The following DCAF8L2 variants were observed in gnomAD, a reference collection of about 807,000 sequenced individuals.
DCAF8L2 encodes DDB1- and CUL4-associated factor 8-like protein 2.
For missense variants in DCAF8L2, 430 were observed against 490.7 expected (o/e 0.88, Z 1.17); for synonymous variants, 200 against 190.9 (o/e 1.05, Z -0.39).
chrX:27,711,609 A>G (rs1425208497), intron 3 of DCAF8L2, among the ~76,000 whole-genome samples: 1 of 110,587 alleles, frequency 9.0e-6, no homozygotes, highest in African/African-American at 3.3e-5. Context: ...ATACACAATA[A>G]AATTGATTTC....
chrX:27,478,838 A>G, the DCAF8L2 span, among the ~76,000 whole-genome samples: 1 of 111,837 alleles, frequency 8.9e-6, no homozygotes, highest in Non-Finnish European at 1.9e-5. Context: ...CAACTTTTAC[A>G]TTTTTTTCAA....
intron 4 of DCAF8L2, among the ~76,000 whole-genome samples, chrX:27,720,435 G>A (rs986756913): frequency 2.4e-4 from 26 of 110,561 alleles, no homozygotes; most frequent in Admixed American, 1.9e-4. Context: ...CTGCAGTGGC[G>A]CAATCTCGGC....
chrX:27,648,076 T>A (rs1470913471), intron 2 of DCAF8L2, among the ~76,000 whole-genome samples: 1 of 110,542 alleles, frequency 9.0e-6, no homozygotes, highest in Non-Finnish European at 1.9e-5. Flanking sequence ...ATATCAAGAT[T>A]CCCTGAATTA....
the DCAF8L2 span, among the ~76,000 whole-genome samples, chrX:27,561,754 T>C: frequency 8.9e-6 from 1 of 112,062 alleles, no homozygotes; most frequent in East Asian, 2.8e-4. Flanking sequence ...CAGTACTTCA[T>C]ATATTTTTAT....
rs745604738 is a variant in DCAF8L2, at chrX:27,681,698, G to C, written c.-143+3786G>C. 6.3e-5 allele frequency among the ~76,000 whole-genome samples: 7 copies of C among 111,383 alleles called. No individual in the cohort carries two copies. In the East Asian group the frequency reaches 2.0e-3, roughly 32 times the overall value. ...AATATATCGATTCTATGAACAATTT[G>C]CTATTAAAATAACTTTCAGAAATAG... On this transcript the variant is annotated intron_variant, in intron 3 of 4. Coordinates refer to ENST00000451261, the MANE Select transcript of DCAF8L2 (RefSeq NM_001353450.2).
At chrX:27,723,717 A>G (rs1268673824) in intron 4 of DCAF8L2, among the ~76,000 whole-genome samples, 3 of 111,259 alleles carry the variant, frequency 2.7e-5, no homozygotes, top group East Asian at 2.8e-4. Flanking sequence ...TCTTCCAGGT[A>G]TTTGTCCTGC....
rs186997457 is a variant in DCAF8L2 at position 27,624,147 on chromosome X, T to C, written c.-341-7732T>C. ...TTCTGACTCTAAGACCAATTATTAT[T>C]GTGCCTACCTGCAACTTTTAGATAC... On this transcript the variant is annotated intron_variant, in intron 1 of 4. Coordinates refer to ENST00000451261, the MANE Select transcript of DCAF8L2 (RefSeq NM_001353450.2). Among the ~76,000 whole-genome samples, 517 of 111,958 alleles carry C rather than the reference T, an allele frequency of 4.6e-3. 2 individuals carry two copies. The highest frequency in any genetic ancestry group is 0.014 in the Middle Eastern group (3 of 218).
In DCAF8L2 at chrX:27,704,215, C is replaced by T. The variant is rs1277207996; in HGVS notation, c.-142-11873C>T. On this transcript the variant is annotated intron_variant, in intron 3 of 4. Transcript: ENST00000451261. The stretch of plus-strand genomic sequence containing the variant: ...ATATGTATATACACATGTACACACG[C>T]GCGCACATGTGCGTGTACACACGTG... 7.3e-4 allele frequency among the ~76,000 whole-genome samples: 66 copies of T among 90,769 alleles called. 1 individual carries two copies. Among genetic ancestry groups the T allele is most frequent in the Admixed American group, 6.1e-3 (53 of 8,752 alleles). 78.8% of individuals were successfully genotyped at this position (90,769 alleles called of 115,157 possible). A position where few individuals can be genotyped will look rare whatever the true frequency, so the allele number is the denominator to read the frequency against.
the DCAF8L2 span, among the ~76,000 whole-genome samples, chrX:27,542,807 C>T: frequency 5.4e-5 from 6 of 110,565 alleles, no homozygotes; most frequent in Non-Finnish European, 1.1e-4. Flanking sequence ...CTCCCAAAGT[C>T]TTTGCCTACT....
the DCAF8L2 span, among the ~76,000 whole-genome samples, chrX:27,499,839 G>GT: frequency 3.7e-5 from 4 of 108,542 alleles, no homozygotes; most frequent in African/African-American, 6.9e-5. Context: ...TTGGTGGTGG[G>GT]GGGGGGTACA....
chrX:27,525,931 C>T, the DCAF8L2 span, among the ~76,000 whole-genome samples: 1,147 of 111,742 alleles, frequency 0.01, 5 homozygotes, highest in Non-Finnish European at 0.017. Context: ...GTGGGTAACC[C>T]GACCTTTCTC....
At chrX:27,498,865 T>C in the DCAF8L2 span, among the ~76,000 whole-genome samples, 6 of 112,203 alleles carry the variant, frequency 5.3e-5, no homozygotes, top group African/African-American at 1.9e-4. Flanking sequence ...ATCTGTGTTG[T>C]CACAACTAGC....
At chrX:27,686,157 A>T (rs987309379) in intron 3 of DCAF8L2, among the ~76,000 whole-genome samples, 1 of 111,389 alleles carries the variant, frequency 9.0e-6, no homozygotes, top group Admixed American at 9.6e-5. Flanking sequence ...TAGTAAAGCC[A>T]TCATGAAAAA....
chrX:27,611,595 C>T (rs1927176342), intron 1 of DCAF8L2, among the ~76,000 whole-genome samples: 2 of 108,667 alleles, frequency 1.8e-5, no homozygotes, highest in African/African-American at 6.7e-5. Flanking sequence ...CTTCCCCCGT[C>T]CCCCCACCCC....
At chrX:27,545,838 G>A in the DCAF8L2 span, among the ~76,000 whole-genome samples, 21 of 111,801 alleles carry the variant, frequency 1.9e-4, no homozygotes, top group African/African-American at 6.8e-4. Flanking sequence ...GCACGTGAGA[G>A]TGCAGAAAAA....
intron 2 of DCAF8L2, among the ~76,000 whole-genome samples, chrX:27,644,843 C>A (rs182894711): frequency 5.6e-4 from 63 of 111,931 alleles, no homozygotes; most frequent in Middle Eastern, 4.7e-3. Flanking sequence ...CAACCTCCAC[C>A]TCCCAGGTTC....
the DCAF8L2 span, among the ~76,000 whole-genome samples, chrX:27,548,450 G>C: frequency 9.0e-6 from 1 of 111,576 alleles, no homozygotes; most frequent in Non-Finnish European, 1.9e-5. Flanking sequence ...ATAGAAGAGA[G>C]AAATAGCTAT....
chrX:27,498,045 T>C, the DCAF8L2 span, among the ~76,000 whole-genome samples: 1 of 112,416 alleles, frequency 8.9e-6, no homozygotes, highest in Admixed American at 9.5e-5. Context: ...TGTGTATATA[T>C]ATACATATCA....
chrX:27,535,559 C>T, the DCAF8L2 span, among the ~76,000 whole-genome samples: 2 of 111,330 alleles, frequency 1.8e-5, no homozygotes, highest in Admixed American at 1.9e-4. Flanking sequence ...CTGTTTACAG[C>T]CTTGCCTCTG....
Sources: gnomAD v4.1 joint callset for allele counts (sites outside exome capture counted in the v4.1 genomes callset) on GRCh38, gnomAD v4.1.1 for gene constraint, MANE v1.5 for transcripts, NCBI Gene and HGNC (gene_info 2026-07-23, HGNC 2026-07-21) for gene names.